The following SLC49A3 variants were observed in gnomAD, a reference collection of about 807,000 sequenced individuals.
The protein encoded by SLC49A3 is solute carrier family 49 member 3.
SLC49A3 carries 50 observed loss-of-function variants against 43.8 expected under a neutral mutation model. The observed-to-expected ratio is 1.14, with a 90% confidence interval of 0.91 to 1.45. The LOEUF (loss-of-function observed/expected upper bound fraction) is 1.45. SLC49A3 is among the 40% of genes most tolerant of loss of function. SLC49A3 has a pLI of 0.00. For missense variants in SLC49A3, 906 were observed against 774.1 expected (o/e 1.17, Z -2.02); for synonymous variants, 413 against 352.0 (o/e 1.17, Z -1.94).
intron 6 of SLC49A3, among the ~76,000 whole-genome samples, 178 bp from the exon 7 acceptor site, chr4:683,939 C>G (rs1434735159): frequency 2.6e-5 from 4 of 152,154 alleles, no homozygotes; most frequent in African/African-American, 9.7e-5. Flanking sequence ...CCTTGTGTTT[C>G]CCACCCCACC....
downstream of SLC49A3, chr4:681,292 T>G: frequency 1.1e-6 from 1 of 892,892 alleles, no homozygotes; most frequent in South Asian, 1.6e-5. Flanking sequence ...AGTGCCCGTC[T>G]GAGGGACGGA....
At chr4:686,384 T>C (rs1199733387) in intron 2 of SLC49A3, 82 bp from the exon 3 acceptor site, 1 of 1,576,864 alleles carries the variant, frequency 6.3e-7, no homozygotes, top group Non-Finnish European at 8.6e-7. Context: ...CACCTGGACC[T>C]CCCACTGCCG....
chr4:682,213 T>C lies in SLC49A3; in HGVS notation c.1425A>G (p.Gly475=). 1.5e-6 allele frequency: 2 copies of C among 1,367,610 alleles called. No individual in the cohort carries two copies. The highest frequency in any genetic ancestry group is 9.5e-7 in the Non-Finnish European group (1 of 1,049,564). The allele number at this position is 1,367,610 out of a possible 1,614,324, so 84.7% of individuals were successfully genotyped here. The part of the protein sequence containing the change: ...ADSGPGVDRG[G]AGRAGVLGPS... ...GCCCCAGGACCCCAGCCCTTCCTGC[T>C]CCCCCTCGGTCCACACCCGGCCCTG... is the stretch of plus-strand genomic sequence containing the variant. Residue 475 remains glycine (G), a synonymous_variant, in exon 10 of 10, where the codon GGA becomes GGG. Transcript: ENST00000322224.
chr4:687,407 G>C (rs747898373), intron 1 of SLC49A3: 1 of 152,408 alleles, frequency 6.6e-6, no homozygotes, highest in Non-Finnish European at 1.5e-5. Context: ...GACAAGGTCT[G>C]ACTCAGCCCA....
rs1250667738 is a variant in SLC49A3 at position 685,029 on chromosome 4, C to T, written c.586-173G>A. 2.3e-6 allele frequency: 2 copies of T among 873,462 alleles called. No homozygotes were observed. Among genetic ancestry groups the T allele is most frequent in the Non-Finnish European group, 1.7e-6 (1 of 596,908 alleles). 54.1% of individuals were successfully genotyped at this position (873,462 alleles called of 1,614,324 possible). Reference sequence around the variant, plus strand: ...AGGCCCAGGCTGGGAGGGGCCTGCTCCAGGGGCTCATGGGGACCCCTGGCT... The same window carrying T: ...AGGCCCAGGCTGGGAGGGGCCTGCTTCAGGGGCTCATGGGGACCCCTGGCT... On this transcript the variant is annotated intron_variant, in intron 4 of 9. Transcript: ENST00000322224. The surrounding 1 kb of genome is among the most constrained non-coding windows in gnomAD (Gnocchi z 4.3).
chr4:682,938 G>T, intron 8 of SLC49A3, 48 bp from the exon 9 acceptor site: 1 of 1,454,508 alleles, frequency 6.9e-7, no homozygotes. Context: ...CACCCCCTCG[G>T]AGCCAGGTGC....
chr4:683,144 C>G, intron 8 of SLC49A3, 66 bp downstream of exon 8: 1 of 1,601,542 alleles, frequency 6.2e-7, no homozygotes, highest in East Asian at 2.2e-5. Flanking sequence ...GGTGCAACCC[C>G]AGGGGTGTAG....
At chr4:680,145 CCAA>C, downstream of SLC49A3, 1 of 969,170 alleles carries the variant, frequency 1.0e-6, no homozygotes, top group East Asian at 2.7e-5. Context: ...ACTCTGGGAG[CCAA>C]CAACTGTGGG....
downstream of SLC49A3, chr4:676,947 C>T: frequency 1.0e-5 from 10 of 985,208 alleles, no homozygotes; most frequent in Non-Finnish European, 1.2e-5. Flanking sequence ...TCAGGGGACG[C>T]CAACTGTGAC....
At chr4:680,059 C>T (rs905355761), downstream of SLC49A3, 1 of 1,479,462 alleles carries the variant, frequency 6.8e-7, no homozygotes, top group African/African-American at 1.4e-5. Flanking sequence ...CTAGCTAATT[C>T]CTAACAGTTA....
downstream of SLC49A3, chr4:681,011 G>A: frequency 6.7e-7 from 1 of 1,491,786 alleles, no homozygotes; most frequent in African/African-American, 1.4e-5. Flanking sequence ...ACAACCTGGG[G>A]CCCCTGGAGC....
intron 6 of SLC49A3, 55 bp downstream of exon 6, chr4:684,428 G>A (rs1418108958): frequency 1.7e-5 from 27 of 1,601,770 alleles, no homozygotes; most frequent in Non-Finnish European, 2.3e-5. Flanking sequence ...GTGACTCCAT[G>A]GCCATATGGG....
upstream of SLC49A3, among the ~76,000 whole-genome samples, chr4:690,248 C>A (rs1339996171): frequency 2.0e-5 from 3 of 150,452 alleles, no homozygotes; most frequent in Non-Finnish European, 3.0e-5. Context: ...CATCCAGTAA[C>A]AAAGAGAAAA....
chr4:683,752 C>T lies in SLC49A3; in HGVS notation c.850G>A (p.Gly284Ser), dbSNP rs963200970. 1.5e-5 allele frequency: 23 copies of T among 1,565,892 alleles called. No homozygotes were observed. Among genetic ancestry groups the T allele is most frequent in the African/African-American group, 4.1e-5 (3 of 73,826 alleles). Residue 284 changes from glycine to serine, a missense_variant, in exon 7 of 10, where the codon GGC (glycine) becomes AGC (serine). By Grantham distance (56) the Gly-to-Ser change is moderately conservative (BLOSUM62 0). Coordinates refer to ENST00000322224, the MANE Select transcript of SLC49A3 (RefSeq NM_032219.4). ...CASGHSSGFS[G>S]LCGALFITFG... ...GTGATGAAGAGAGCGCCACAGAGGC[C>T]GGAAAACCCCTGGAGGAGGCGAGAA...
At chr4:680,673 G>T, downstream of SLC49A3, 10 of 1,382,454 alleles carry the variant, frequency 7.2e-6, no homozygotes, top group Non-Finnish European at 1.0e-5. Flanking sequence ...TCAGCCACCA[G>T]ATGCCACGCC....
intron 7 of SLC49A3, 51 bp from the exon 8 acceptor site, chr4:683,418 A>C: frequency 2.5e-6 from 4 of 1,579,852 alleles, no homozygotes; most frequent in Non-Finnish European, 3.4e-6. Context: ...GGCAGTCAGA[A>C]CTGGACCTGG....
downstream of SLC49A3, chr4:678,167 T>C (rs1430913569): frequency 1.3e-6 from 2 of 1,542,170 alleles, no homozygotes; most frequent in African/African-American, 2.7e-5. Context: ...TCTGCCTGCA[T>C]ATGTGTGTGC....
chr4:680,597 CGGGCGGCCA>C (rs1553822802), downstream of SLC49A3: 5 of 1,612,640 alleles, frequency 3.1e-6, 1 homozygote, highest in East Asian at 4.5e-5. Context: ...AGTGAGTGCC[CGGGCGGCCA>C]GGGCGGCCCG....
At chr4:682,412 G>T (rs1015532864) in intron 9 of SLC49A3, 36 bp from the exon 10 acceptor site, 4 of 1,319,404 alleles carry the variant, frequency 3.0e-6, no homozygotes, top group Non-Finnish European at 3.9e-6. Flanking sequence ...CCACAGCCAA[G>T]CCCAGGGGCC....
Sources: gnomAD v4.1 joint callset for allele counts (sites outside exome capture counted in the v4.1 genomes callset) on GRCh38, gnomAD v4.1.1 for gene constraint, Gnocchi (gnomAD v3.1) non-coding constraint, MANE v1.5 for transcripts, NCBI Gene and HGNC (gene_info 2026-07-23, HGNC 2026-07-21) for gene names.